The following ATRIP variants were observed in gnomAD, a reference collection of about 807,000 sequenced individuals.
The protein encoded by ATRIP is ATR interacting protein, also known as ATR-interacting protein.
ATRIP carries 44 observed loss-of-function variants against 78.1 expected under a neutral mutation model. That is an observed-to-expected ratio of 0.56 (90% CI 0.44 to 0.72). ATRIP has a LOEUF of 0.72. ATRIP is among the 30% of genes least tolerant of loss of function. The probability of loss-of-function intolerance (pLI) is 0.00; values close to 1 mark genes in which losing one functional copy is unlikely to be tolerated. For synonymous variants in ATRIP, 388 were observed against 408.9 expected, an observed-to-expected ratio of 0.95 and a Z score of 0.62; for missense variants, 927 against 980.2, an observed-to-expected ratio of 0.95 and a Z score of 0.72.
chr3:48,454,159 T>G (rs1221804043), intron 3 of ATRIP, 141 bp from the exon 4 acceptor site: 1 of 606,372 alleles, frequency 1.6e-6, no homozygotes, highest in East Asian at 2.8e-5. Flanking sequence ...TAATGTTTAA[T>G]ATTTTAGGAC....
At chr3:48,447,567 G>C in intron 1 of ATRIP, 1 of 983,322 alleles carries the variant, frequency 1.0e-6, no homozygotes, top group Non-Finnish European at 1.2e-6. Context: ...CCAGTAAACT[G>C]TGCTAGGTGC....
intron 3 of ATRIP, 88 bp downstream of exon 3, chr3:48,451,987 T>G: frequency 7.8e-7 from 1 of 1,276,118 alleles, no homozygotes; most frequent in Non-Finnish European, 1.1e-6. Flanking sequence ...CAGGGAGATT[T>G]CAACACTTGT....
chr3:48,449,466 T>G (rs1414492816), intron 1 of ATRIP, among the ~76,000 whole-genome samples: 1 of 149,632 alleles, frequency 6.7e-6, no homozygotes, highest in Non-Finnish European at 1.5e-5. Flanking sequence ...AACCATGTTC[T>G]TAGGTTGAAA....
chr3:48,446,804 G>A lies in ATRIP; in HGVS notation c.-42G>A, dbSNP rs1303524873. ...AGTTCTCCGGCCTGGCGGCAGGCAA[G>A]TCTAGCTCGGCGCTGTCGGATACTT... On this transcript the variant is annotated 5_prime_UTR_variant, in exon 1 of 13. Transcript: ENST00000320211. 1.5e-6 allele frequency: 2 copies of A among 1,374,824 alleles called. No homozygotes were observed. Among genetic ancestry groups the A allele is most frequent in the South Asian group, 4.2e-5 (2 of 47,672 alleles). The allele number at this position is 1,374,824 out of a possible 1,614,324, so 85.2% of individuals were successfully genotyped here.
chr3:48,451,957 A>C (rs769860249), intron 3 of ATRIP, 58 bp downstream of exon 3: 53 of 1,490,338 alleles, frequency 3.6e-5, no homozygotes, highest in Non-Finnish European at 4.7e-5. Context: ...TCCTTTGACC[A>C]GGGTTGCCTG....
intron 2 of ATRIP, 45 bp downstream of exon 2, chr3:48,450,215 A>T: frequency 6.3e-7 from 1 of 1,584,680 alleles, no homozygotes; most frequent in South Asian, 1.1e-5. Context: ...TCATTCACTT[A>T]CGTGTTTAAA....
intron 8 of ATRIP, among the ~76,000 whole-genome samples, chr3:48,462,470 G>A (rs968041702): frequency 2.0e-5 from 3 of 152,156 alleles, no homozygotes; most frequent in East Asian, 1.9e-4. Context: ...TTAGGAAGCC[G>A]AGGTGGGTGG....
intron 7 of ATRIP, 52 bp from the exon 8 acceptor site, chr3:48,460,058 G>A: frequency 6.4e-7 from 1 of 1,568,820 alleles, no homozygotes; most frequent in South Asian, 1.2e-5. Context: ...TGGGGCTCTT[G>A]ACCTTATCTC....
At chr3:48,457,850 C>CT (rs1344666977) in intron 5 of ATRIP, among the ~76,000 whole-genome samples, 3 of 151,878 alleles carry the variant, frequency 2.0e-5, no homozygotes, top group Non-Finnish European at 2.9e-5. Context: ...AAGCTTATAC[C>CT]TTTTTTTTAA....
Position 48,466,547 on chromosome 3 carries a change from C to T in ATRIP, c.*993C>T. 1 of 1,613,972 alleles carries T rather than the reference C, an allele frequency of 6.2e-7. No individual in the cohort carries two copies. The highest frequency in any genetic ancestry group is 8.5e-7 in the Non-Finnish European group (1 of 1,180,000). On this transcript the variant is annotated 3_prime_UTR_variant, in exon 13 of 13. Coordinates refer to ENST00000320211, the MANE Select transcript of ATRIP (RefSeq NM_130384.3). ...TTGTGCAGGGAAGGCCTGAGATGTGCTTCTGCCCACCCCCTACCCCACTCC... is the reference window on the plus strand; with the variant it reads ...TTGTGCAGGGAAGGCCTGAGATGTGTTTCTGCCCACCCCCTACCCCACTCC...
At chr3:48,455,417 A>T (rs1225821120) in intron 4 of ATRIP, among the ~76,000 whole-genome samples, 1 of 152,142 alleles carries the variant, frequency 6.6e-6, no homozygotes, top group Non-Finnish European at 1.5e-5. Flanking sequence ...TTTTCAACAT[A>T]CCTAGTAGGT....
At chr3:48,450,997 T>A (rs565861305) in intron 2 of ATRIP, among the ~76,000 whole-genome samples, 1 of 149,952 alleles carries the variant, frequency 6.7e-6, no homozygotes, top group Admixed American at 6.6e-5. Context: ...AAGACCAGCC[T>A]GGCCAACATG....
At chr3:48,462,180 T>A (rs2040136056) in intron 8 of ATRIP, among the ~76,000 whole-genome samples, 1 of 151,812 alleles carries the variant, frequency 6.6e-6, no homozygotes, top group South Asian at 2.1e-4. Context: ...TTTTTTTTTT[T>A]AATTAGCCAG....
Position 48,459,361 on chromosome 3 carries a change from A to G in ATRIP, c.832A>G (p.Ser278Gly), listed in dbSNP as rs756111694. The G allele has an allele frequency of 3.7e-6, 6 of 1,613,334 alleles. No individual in the cohort carries two copies. In the South Asian group the frequency reaches 5.5e-5, roughly 15 times the overall value. The change falls in exon 6 of 13, where the codon AGT becomes GGT. Residue 278 changes from serine (S) to glycine (G), a missense_variant and splice_region_variant. By Grantham distance (56) the Ser-to-Gly change is moderately conservative. Transcript: ENST00000320211. ...ATTTACATTTTATCACATTTCAGAT[A>G]GTAAGCCCCACAGTCTGAGAGGTGA... is the stretch of plus-strand genomic sequence containing the variant. ...GYKPLVGRED[S>G]KPHSLRGDSI...
chr3:48,450,291 GA>G, intron 2 of ATRIP, 121 bp downstream of exon 2: 1 of 1,293,868 alleles, frequency 7.7e-7, no homozygotes, highest in Non-Finnish European at 1.1e-6. Context: ...TATGACATGG[GA>G]AAAGACTAGG....
At chr3:48,451,669 CAA>C (rs1475816597) in intron 2 of ATRIP, 58 bp from the exon 3 acceptor site, 14 of 1,440,684 alleles carry the variant, frequency 9.7e-6, no homozygotes, top group Non-Finnish European at 1.1e-5. Flanking sequence ...CATGTTAAAA[CAA>C]AGTACCTAAG....
Position 48,466,814 on chromosome 3 carries a change from A to G in ATRIP, c.*1260A>G. ...AGAGCCCCCCCACCTCTCAGGGGCC[A>G]CCTCCCACAGTTCCTCCACCACCGC... On this transcript the variant is annotated 3_prime_UTR_variant, in exon 13 of 13. Transcript: ENST00000320211. 2.5e-6 allele frequency: 4 copies of G among 1,613,284 alleles called. No homozygotes were observed. Among genetic ancestry groups the G allele is most frequent in the Non-Finnish European group, 3.4e-6 (4 of 1,179,874 alleles).
chr3:48,447,093 G>C lies in ATRIP; in HGVS notation c.247+1G>C. ...CCGGCCGCGGCTCGGGACGTGTCCA[G>C]TGAGTGCTCCTCGCGGCCTTTTGCT... On this transcript the variant is annotated splice_donor_variant, in intron 1 of 12. Coordinates refer to ENST00000320211, the MANE Select transcript of ATRIP (RefSeq NM_130384.3). LOFTEE classifies it high-confidence loss of function. The C allele has an allele frequency of 6.5e-7, 1 of 1,530,382 alleles. No homozygotes were observed. The highest frequency in any genetic ancestry group is 8.8e-7 in the Non-Finnish European group (1 of 1,139,368). The allele number at this position is 1,530,382 out of a possible 1,614,324, so 94.8% of individuals were successfully genotyped here.
At chr3:48,461,766 G>A (rs1416077606) in intron 8 of ATRIP, among the ~76,000 whole-genome samples, 1 of 152,112 alleles carries the variant, frequency 6.6e-6, no homozygotes, top group Non-Finnish European at 1.5e-5. Flanking sequence ...GTGCAGTGGT[G>A]CGATCTCGGC....
Sources: gnomAD v4.1 joint callset for allele counts (sites outside exome capture counted in the v4.1 genomes callset) on GRCh38, gnomAD v4.1.1 for gene constraint, MANE v1.5 for transcripts, NCBI Gene and HGNC (gene_info 2026-07-23, HGNC 2026-07-21) for gene names.